GNG7: variants seen among roughly 807,000 people sequenced by gnomAD.
GNG7 encodes guanine nucleotide-binding protein G(I)/G(S)/G(O) subunit gamma-7.
GNG7 carries 1 observed loss-of-function variant against 4.0 expected under a neutral mutation model. The observed-to-expected ratio is 0.25, with a 90% CI of 0.09 to 1.18. The LOEUF (loss-of-function observed/expected upper bound fraction) is 1.18, where lower values mean the gene tolerates loss of function less well. Ranked by LOEUF, GNG7 falls within the 50% of genes most tolerant of loss-of-function variation. The pLI is 0.50. For missense variants in GNG7, 86 were observed against 91.9 expected (o/e 0.94, Z 0.26); for synonymous variants, 34 against 36.9 (o/e 0.92, Z 0.29).
rs8113258 is a variant in GNG7, at chr19:2,607,889, C to T, written c.-78+38335G>A. 1.9e-3 allele frequency among the ~76,000 whole-genome samples: 284 copies of T among 152,138 alleles called. 1 individual carries two copies. The highest frequency in any genetic ancestry group is 6.1e-3 in the African/African-American group (252 of 41,518). On this transcript the variant is annotated intron_variant, in intron 2 of 4. Transcript: ENST00000382159. Reference sequence around the variant, plus strand: ...TTTCTAGGGAGCAGTCCCCCCAGGACAGCAATACGTTCAGGCGACAGCGAC... The same window carrying T: ...TTTCTAGGGAGCAGTCCCCCCAGGATAGCAATACGTTCAGGCGACAGCGAC...
chr19:2,665,415 C>T (rs1191646316), intron 1 of GNG7, among the ~76,000 whole-genome samples: 1 of 152,010 alleles, frequency 6.6e-6, no homozygotes, highest in African/African-American at 2.4e-5. Flanking sequence ...CGCCACACCC[C>T]ACCTCTTGGA....
At chr19:2,566,976 G>A (rs1344727318) in intron 2 of GNG7, among the ~76,000 whole-genome samples, 71 of 151,836 alleles carry the variant, frequency 4.7e-4, no homozygotes, top group Non-Finnish European at 1.0e-4. Flanking sequence ...GCGGTGGCGG[G>A]CGTCTGTAAT....
chr19:2,592,953 A>G (rs567401746), intron 2 of GNG7, among the ~76,000 whole-genome samples: 2 of 144,088 alleles, frequency 1.4e-5, no homozygotes, highest in Admixed American at 6.9e-5. Context: ...GAAGGACGGA[A>G]GAAAGAAAGA....
intron 3 of GNG7, among the ~76,000 whole-genome samples, chr19:2,543,301 G>C (rs978919572): frequency 6.6e-6 from 1 of 150,490 alleles, no homozygotes; most frequent in Non-Finnish European, 1.5e-5. Flanking sequence ...GCTCACTGCA[G>C]CCTTGACCTC....
At chr19:2,568,434 A>G (rs907364765) in intron 2 of GNG7, among the ~76,000 whole-genome samples, 7 of 134,494 alleles carry the variant, frequency 5.2e-5, no homozygotes, top group African/African-American at 1.6e-4. Context: ...ACACATACAT[A>G]TACATACACA....
intron 2 of GNG7, among the ~76,000 whole-genome samples, chr19:2,606,412 T>C (rs1981385459): frequency 6.6e-6 from 1 of 151,602 alleles, no homozygotes; most frequent in South Asian, 2.1e-4. Flanking sequence ...CCCAGCACTT[T>C]GGGAAACTGA....
At chr19:2,598,677 A>AAATAATAAT (rs56068932) in intron 2 of GNG7, among the ~76,000 whole-genome samples, 14 of 141,004 alleles carry the variant, frequency 9.9e-5, no homozygotes, top group Non-Finnish European at 1.4e-4. Context: ...AAAAGTAATA[A>AAATAATAAT]AATAATAATA....
chr19:2,539,897 CTCCT>C (rs1317409099), intron 3 of GNG7, among the ~76,000 whole-genome samples: 1 of 136,664 alleles, frequency 7.3e-6, no homozygotes, highest in Non-Finnish European at 1.6e-5. Context: ...TCCTTCCTTC[CTCCT>C]TCCCTCCCTC....
intron 2 of GNG7, chr19:2,642,057 G>A (rs1025108239): frequency 6.5e-6 from 1 of 154,668 alleles, no homozygotes; most frequent in Non-Finnish European, 1.4e-5. Context: ...GTCTGGGGCA[G>A]GAGGTGCCTA....
intron 2 of GNG7, among the ~76,000 whole-genome samples, chr19:2,561,824 T>C (rs964949726): frequency 2.6e-5 from 4 of 151,698 alleles, no homozygotes; most frequent in African/African-American, 4.8e-5. Flanking sequence ...GAGGTTGCAG[T>C]GAGCCGAGAT....
rs1252564978 is a variant in GNG7, at chr19:2,546,339, G to A, written c.-38+8810C>T. 6.6e-6 allele frequency among the ~76,000 whole-genome samples: 1 copy of A among 152,370 alleles called. No homozygotes were observed. Among genetic ancestry groups the A allele is most frequent in the East Asian group, 1.9e-4 (1 of 5,186 alleles). On this transcript the variant is annotated intron_variant, in intron 3 of 4. Coordinates refer to ENST00000382159, the MANE Select transcript of GNG7 (RefSeq NM_052847.3). This position sits in a 1 kb window ranked among gnomAD's most constrained non-coding sequence, Gnocchi z 6.3. ...CTCTCCAGGGCCAGGTCGCCCAGCA[G>A]GGCCTGGGAGGGCGGCTGTGTGTGG...
At chr19:2,628,445 A>G (rs1982073368) in intron 2 of GNG7, among the ~76,000 whole-genome samples, 1 of 152,120 alleles carries the variant, frequency 6.6e-6, no homozygotes, top group Non-Finnish European at 1.5e-5. Context: ...GCAGCTCACG[A>G]CATAGCTGTT....
intron 2 of GNG7, among the ~76,000 whole-genome samples, chr19:2,569,832 C>T (rs1980092325): frequency 6.6e-6 from 1 of 152,198 alleles, no homozygotes; most frequent in Non-Finnish European, 1.5e-5. Context: ...CGTCACCAGA[C>T]ATCTCCCGGT....
chr19:2,613,573 G>A (rs1327409789), intron 2 of GNG7, among the ~76,000 whole-genome samples: 2 of 152,184 alleles, frequency 1.3e-5, no homozygotes, highest in Non-Finnish European at 2.9e-5. Context: ...TGGGACCTCA[G>A]TAGGAGAGAT....
chr19:2,558,787 C>T (rs1426208392), intron 2 of GNG7, among the ~76,000 whole-genome samples: 3 of 150,124 alleles, frequency 2.0e-5, no homozygotes, highest in Non-Finnish European at 3.0e-5. Context: ...TCTTCTCTCT[C>T]TTTCCTTTTT....
rs1210086209 is a variant in GNG7, at chr19:2,618,935, C to T, written c.-78+27289G>A. 6.6e-6 allele frequency among the ~76,000 whole-genome samples: 1 copy of T among 152,148 alleles called. No homozygotes were observed. The highest frequency in any genetic ancestry group is 6.5e-5 in the Admixed American group (1 of 15,268). ...CTGACCGTCCCATCTCCGTGGGTTCCTCTGGGCTCTCAGTTTCTTGGTCTT... is the reference window on the plus strand; with the variant it reads ...CTGACCGTCCCATCTCCGTGGGTTCTTCTGGGCTCTCAGTTTCTTGGTCTT... On this transcript the variant is annotated intron_variant, in intron 2 of 4. Coordinates refer to ENST00000382159, the MANE Select transcript of GNG7 (RefSeq NM_052847.3). This position sits in a 1 kb window ranked among gnomAD's most constrained non-coding sequence, Gnocchi z 5.1.
chr19:2,651,899 G>A (rs1982841033), intron 1 of GNG7, among the ~76,000 whole-genome samples: 1 of 151,924 alleles, frequency 6.6e-6, no homozygotes, highest in African/African-American at 2.4e-5. Flanking sequence ...AATAGGCCGG[G>A]TGCAGTGGCT....
At chr19:2,550,530 C>T (rs1009599441) in intron 3 of GNG7, among the ~76,000 whole-genome samples, 2 of 152,160 alleles carry the variant, frequency 1.3e-5, no homozygotes, top group Admixed American at 1.3e-4. Context: ...TCCCGGCCAC[C>T]TCTGCTCACC....
chr19:2,534,940 G>C (rs7247546), intron 3 of GNG7, among the ~76,000 whole-genome samples: 53,803 of 152,032 alleles, frequency 0.35, 9,939 homozygotes, highest in East Asian at 0.51. Context: ...GGAGGGGGAG[G>C]AATATGCTTT....
Sources: allele counts gnomAD v4.1 joint callset (sites outside exome capture counted in the v4.1 genomes callset), GRCh38; gene constraint gnomAD v4.1.1; non-coding constraint Gnocchi (gnomAD v3.1); transcripts MANE v1.5; gene names NCBI Gene and HGNC (gene_info 2026-07-23, HGNC 2026-07-21).